The following COL21A1 variants were observed in gnomAD, a reference collection of about 807,000 sequenced individuals.
COL21A1 encodes collagen alpha-1(XXI) chain.
COL21A1 carries 149 observed loss-of-function variants against 137.9 expected under a neutral mutation model. That is an observed-to-expected ratio of 1.08 (90% CI 0.95 to 1.24). The LOEUF (loss-of-function observed/expected upper bound fraction) is 1.24. Ranked by LOEUF, COL21A1 falls within the 50% of genes most tolerant of loss-of-function variation. The probability of loss-of-function intolerance (pLI) is 0.00; values close to 1 mark genes in which losing one functional copy is unlikely to be tolerated. For missense variants in COL21A1, 1,167 were observed against 1,158.4 expected, an observed-to-expected ratio of 1.01 and a Z score of -0.11; for synonymous variants, 456 against 391.5, an observed-to-expected ratio of 1.16 and a Z score of -1.95.
intron 18 of COL21A1, 130 bp downstream of exon 18, chr6:56,077,399 A>T (rs1767337531): frequency 3.1e-6 from 2 of 650,324 alleles, no homozygotes; most frequent in Admixed American, 6.4e-5. Context: ...AGCCAAAACA[A>T]CGTCTTCTAA....
chr6:56,318,936 AC>A (rs1455754632), intron 1 of COL21A1, among the ~76,000 whole-genome samples: 2 of 151,692 alleles, frequency 1.3e-5, no homozygotes, highest in African/African-American at 4.8e-5. Flanking sequence ...ACACACACAC[AC>A]ACACACACAC....
intron 16 of COL21A1, among the ~76,000 whole-genome samples, chr6:56,120,513 G>A (rs1772362813): frequency 6.6e-6 from 1 of 152,110 alleles, no homozygotes; most frequent in Non-Finnish European, 1.5e-5. Flanking sequence ...ACCTGAAAAT[G>A]GGTTAGGCGC....
At chr6:56,059,726 C>A (rs1765626972) in intron 28 of COL21A1, among the ~76,000 whole-genome samples, 1 of 152,062 alleles carries the variant, frequency 6.6e-6, no homozygotes. Context: ...GAAATGGCAT[C>A]TGTGATTTTC....
At chr6:56,211,642 G>A (rs1780182943) in intron 1 of COL21A1, among the ~76,000 whole-genome samples, 1 of 152,024 alleles carries the variant, frequency 6.6e-6, no homozygotes, top group Admixed American at 6.6e-5. Context: ...TACCAAACTG[G>A]GGGAGAGAGG....
chr6:56,276,603 A>T, intron 1 of COL21A1: 1 of 1,426,800 alleles, frequency 7.0e-7, no homozygotes, highest in Non-Finnish European at 9.9e-7. Context: ...ACGCCAGGGT[A>T]TTCTGGCAGA....
At position 56,234,071 on chromosome 6, in the gene COL21A1, A is replaced by G. The variant is rs373274483; in HGVS notation, c.-39+13316T>C. On this transcript the variant is annotated intron_variant, in intron 1 of 29. Coordinates refer to ENST00000244728, the MANE Select transcript of COL21A1 (RefSeq NM_030820.4). ...TCCAAATAACAGAAAAAATCATTAT[A>G]ATAAAAGACAAGAAAGCATGGTAAA... Among the ~76,000 whole-genome samples, 29 of 152,004 alleles carry G rather than the reference A, an allele frequency of 1.9e-4. No homozygotes were observed. In the East Asian group the frequency reaches 4.8e-3, roughly 25 times the overall value.
At chr6:56,152,596 G>C (rs896756638) in intron 10 of COL21A1, among the ~76,000 whole-genome samples, 2 of 151,984 alleles carry the variant, frequency 1.3e-5, no homozygotes, top group Non-Finnish European at 2.9e-5. Context: ...TTATAACTTA[G>C]TCAGAGTCAT....
chr6:56,227,912 T>C (rs1031350860), intron 1 of COL21A1, among the ~76,000 whole-genome samples: 1 of 152,020 alleles, frequency 6.6e-6, no homozygotes, highest in Non-Finnish European at 1.5e-5. Flanking sequence ...GGAAGTAAAG[T>C]TCATCTGTGA....
chr6:56,099,813 G>A (rs749723108), intron 17 of COL21A1, among the ~76,000 whole-genome samples: 1 of 151,930 alleles, frequency 6.6e-6, no homozygotes, highest in Admixed American at 6.6e-5. Flanking sequence ...CATATGTTGA[G>A]CTCATGCTAC....
intron 12 of COL21A1, among the ~76,000 whole-genome samples, chr6:56,129,743 G>T (rs1003908683): frequency 2.3e-4 from 34 of 145,296 alleles, no homozygotes; most frequent in Middle Eastern, 3.8e-3. Flanking sequence ...AGAAAGATAG[G>T]TAGGGAGAGA....
At chr6:56,141,388 T>C (rs1774396068) in intron 12 of COL21A1, among the ~76,000 whole-genome samples, 1 of 152,164 alleles carries the variant, frequency 6.6e-6, no homozygotes, top group South Asian at 2.1e-4. Flanking sequence ...ATCTAAAAAA[T>C]GTGGCTGAGC....
intron 1 of COL21A1, among the ~76,000 whole-genome samples, chr6:56,297,790 T>A (rs370208605): frequency 6.6e-6 from 1 of 152,114 alleles, no homozygotes; most frequent in Non-Finnish European, 1.5e-5. Flanking sequence ...ACTGATGGCA[T>A]CTAAATGCCA....
Position 56,060,964 on chromosome 6 carries a change from A to G in COL21A1, c.2279T>C (p.Met760Thr), listed in dbSNP as rs201839603. ...SKGESGVDGL[M>T]GPAGPKGQPG... is the part of the protein sequence containing the mutation. ...TTGCCCCTTAGGACCTGCGGGCCCC[A>G]TCAAGCCATCCACCCCAGATTCTCC... Residue 760 changes from methionine (M) to threonine (T), a missense_variant, in exon 26 of 30, where the codon ATG becomes ACG. Met to Thr is a moderately conservative substitution (Grantham distance 81). Coordinates refer to ENST00000244728, the MANE Select transcript of COL21A1 (RefSeq NM_030820.4). 1 of 1,608,206 alleles carries G rather than the reference A, an allele frequency of 6.2e-7. No individual in the cohort carries two copies. Among genetic ancestry groups the G allele is most frequent in the East Asian group, 2.3e-5 (1 of 44,136 alleles).
At chr6:56,333,597 G>A (rs1486748899) in intron 1 of COL21A1, among the ~76,000 whole-genome samples, 3 of 152,066 alleles carry the variant, frequency 2.0e-5, no homozygotes, top group African/African-American at 2.4e-5. Context: ...GAACATTCAC[G>A]TGTTAAGTCT....
chr6:56,116,420 AAAAAC>A (rs1771937729), intron 16 of COL21A1, among the ~76,000 whole-genome samples: 1 of 141,622 alleles, frequency 7.1e-6, no homozygotes, highest in African/African-American at 2.6e-5. Context: ...AAAAAAAAAA[AAAAAC>A]TTTACCCTAG....
intron 1 of COL21A1, among the ~76,000 whole-genome samples, chr6:56,192,742 T>G (rs1431061836): frequency 6.6e-6 from 1 of 152,072 alleles, no homozygotes; most frequent in Non-Finnish European, 1.5e-5. Context: ...TTGGTGGGAG[T>G]GTAAATTAGT....
chr6:56,366,861 T>C (rs144074474), intron 1 of COL21A1, among the ~76,000 whole-genome samples: 390 of 152,330 alleles, frequency 2.6e-3, no homozygotes, highest in Non-Finnish European at 4.2e-3. Context: ...TTGGGCCAGT[T>C]TGCGTGCTTA....
In COL21A1 at chr6:56,171,084, T is replaced by C. The variant is rs1260435721; in HGVS notation, c.685A>G (p.Arg229Gly). Residue 229 changes from arginine (R) to glycine (G), a missense_variant, in exon 4 of 30, where the codon AGG becomes GGG. Arg to Gly is a moderately radical substitution (Grantham distance 125, BLOSUM62 -2). Coordinates refer to ENST00000244728, the MANE Select transcript of COL21A1 (RefSeq NM_030820.4). ...TRIPVAARDE[R>G]GFDILLGLDV... ...AAACCTAAAAGAATATCAAATCCCC[T>C]TTCATCACGAGCTGCCACTGGAATT... The C allele has an allele frequency of 6.2e-7, 1 of 1,608,280 alleles. No individual in the cohort carries two copies. Among genetic ancestry groups the C allele is most frequent in the African/African-American group, 1.3e-5 (1 of 74,594 alleles).
intron 1 of COL21A1, among the ~76,000 whole-genome samples, chr6:56,192,374 T>C (rs1778745217): frequency 6.6e-6 from 1 of 151,962 alleles, no homozygotes; most frequent in Non-Finnish European, 1.5e-5. Context: ...CTAAAGAGCT[T>C]CTGCAAAGAA....
Sources: allele counts gnomAD v4.1 joint callset (sites outside exome capture counted in the v4.1 genomes callset), GRCh38; gene constraint gnomAD v4.1.1; transcripts MANE v1.5; gene names NCBI Gene and HGNC (gene_info 2026-07-23, HGNC 2026-07-21).